Variants in FRMD5 observed in about 807,000 individuals in gnomAD.
The protein encoded by FRMD5 is FERM domain containing 5.
FRMD5 carries 20 observed loss-of-function variants against 69.0 expected under a neutral mutation model. The observed-to-expected ratio is 0.29, with a 90% CI of 0.20 to 0.42. FRMD5 has a LOEUF of 0.42. Ranked by LOEUF, FRMD5 falls within the 10% of genes least tolerant of loss-of-function variation. The pLI is 1.00. For synonymous variants in FRMD5, 271 were observed against 260.1 expected, an observed-to-expected ratio of 1.04 and a Z score of -0.40; for missense variants, 595 against 708.6, an observed-to-expected ratio of 0.84 and a Z score of 1.82.
chr15:43,931,419 C>G (rs1422497975), intron 1 of FRMD5, among the ~76,000 whole-genome samples: 1 of 152,028 alleles, frequency 6.6e-6, no homozygotes. Flanking sequence ...ACTTATACCC[C>G]CCGATCCCCA....
rs1408429819 is a variant in FRMD5 at position 43,870,834 on chromosome 15, C to A, written c.*3051G>T. The A allele has an allele frequency of 6.6e-6, 1 of 152,148 alleles. No individual in the cohort carries two copies. The highest frequency in any genetic ancestry group is 2.4e-5 in the African/African-American group (1 of 41,438). The allele number at this position is 152,148 out of a possible 1,614,324, so 9.4% of individuals were successfully genotyped here. On this transcript the variant is annotated 3_prime_UTR_variant, in exon 14 of 14. Transcript: ENST00000417257. Reference sequence around the variant, plus strand: ...CCAATGATTTTATGCTAACTACATACTGCATATGTAGAAAAAAGTACATTG... The same window carrying A: ...CCAATGATTTTATGCTAACTACATAATGCATATGTAGAAAAAAGTACATTG...
chr15:44,031,049 T>C (rs1471547350), intron 1 of FRMD5, among the ~76,000 whole-genome samples: 1 of 152,002 alleles, frequency 6.6e-6, no homozygotes, highest in African/African-American at 2.4e-5. Flanking sequence ...TCAAAAGCTC[T>C]GGCCAAGTGA....
intron 1 of FRMD5, among the ~76,000 whole-genome samples, chr15:44,042,213 C>T (rs945450192): frequency 3.3e-5 from 5 of 152,016 alleles, no homozygotes; most frequent in Admixed American, 1.3e-4. Flanking sequence ...ACACATACAC[C>T]CTCCTAAGAC....
chr15:43,967,624 T>G (rs1472330960), intron 1 of FRMD5, among the ~76,000 whole-genome samples: 1 of 152,200 alleles, frequency 6.6e-6, no homozygotes, highest in Non-Finnish European at 1.5e-5. Context: ...AACTGAGGTT[T>G]AAAGACCTGT....
At chr15:44,147,827 G>C (rs2077379660) in intron 1 of FRMD5, among the ~76,000 whole-genome samples, 1 of 152,162 alleles carries the variant, frequency 6.6e-6, no homozygotes, top group Admixed American at 6.5e-5. Context: ...ATTAGCAGCT[G>C]CCCATTCCCC....
chr15:44,142,556 T>C (rs919101608), intron 1 of FRMD5, among the ~76,000 whole-genome samples: 6 of 152,156 alleles, frequency 3.9e-5, no homozygotes, highest in African/African-American at 1.2e-4. Flanking sequence ...ATGGGAAATA[T>C]ATAACTATTG....
intron 1 of FRMD5, among the ~76,000 whole-genome samples, chr15:44,126,033 G>A (rs1415624355): frequency 1.3e-5 from 2 of 152,164 alleles, no homozygotes; most frequent in Non-Finnish European, 2.9e-5. Flanking sequence ...TGATCAGATA[G>A]TATCAAAAAA....
chr15:43,877,257 G>C (rs1422583775), intron 13 of FRMD5, among the ~76,000 whole-genome samples: 2 of 152,188 alleles, frequency 1.3e-5, no homozygotes, highest in Non-Finnish European at 2.9e-5. Flanking sequence ...CAGATTCCCA[G>C]CTCAGTAAAG....
intron 1 of FRMD5, among the ~76,000 whole-genome samples, chr15:44,124,706 CAATAAT>C (rs886443725): frequency 1.3e-5 from 2 of 151,720 alleles, no homozygotes; most frequent in Non-Finnish European, 2.9e-5. Context: ...CTCAAAAAAA[CAATAAT>C]AATAATTTTA....
intron 8 of FRMD5, 42 bp from the exon 9 acceptor site, chr15:43,888,914 G>C (rs764489221): frequency 6.5e-7 from 1 of 1,548,592 alleles, no homozygotes; most frequent in Non-Finnish European, 8.9e-7. Flanking sequence ...ATTGTGGGCT[G>C]CTTGTTCACA....
At chr15:44,192,512 A>C (rs2078213774) in intron 1 of FRMD5, among the ~76,000 whole-genome samples, 1 of 152,204 alleles carries the variant, frequency 6.6e-6, no homozygotes, top group Non-Finnish European at 1.5e-5. Context: ...TGCTTAACCT[A>C]ATAAGAAGTT....
At chr15:43,919,348 T>A in intron 4 of FRMD5, 111 bp downstream of exon 4, 1 of 891,540 alleles carries the variant, frequency 1.1e-6, no homozygotes, top group African/African-American at 1.6e-5. Flanking sequence ...GAAGAGTTCC[T>A]TGCCTCTAAG....
At chr15:43,963,620 C>T (rs536371775) in intron 1 of FRMD5, among the ~76,000 whole-genome samples, 224 of 152,236 alleles carry the variant, frequency 1.5e-3, no homozygotes, top group African/African-American at 5.2e-3. Flanking sequence ...ATGTTTATTG[C>T]GGCATTATTC....
chr15:43,885,659 GTTAC>G lies in FRMD5; in HGVS notation c.959+18_959+21del. On this transcript the variant is annotated intron_variant, in intron 11 of 13. Transcript: ENST00000417257. ...AGGGTCTGAAAATAGATCCATAATG[GTTAC>G]TTACTGTCACTATTTACCTGTATCG... is the stretch of plus-strand genomic sequence containing the variant. 2 of 1,588,192 alleles carry G rather than the reference GTTAC, an allele frequency of 1.3e-6. No individual in the cohort carries two copies. Among genetic ancestry groups the G allele is most frequent in the Non-Finnish European group, 1.7e-6 (2 of 1,156,326 alleles).
chr15:44,048,179 CCAG>C (rs2140336957), intron 1 of FRMD5, among the ~76,000 whole-genome samples: 1 of 152,260 alleles, frequency 6.6e-6, no homozygotes, highest in Middle Eastern at 3.4e-3. Flanking sequence ...TCTATTCCTA[CCAG>C]CAGTATAGGA....
intron 7 of FRMD5, among the ~76,000 whole-genome samples, chr15:43,895,230 G>C (rs1595491761): frequency 6.6e-6 from 1 of 152,214 alleles, no homozygotes; most frequent in South Asian, 2.1e-4. Flanking sequence ...CGAAAATGTG[G>C]GAAGTTAGAA....
At position 44,044,172 on chromosome 15, in the gene FRMD5, G is replaced by T. The variant is rs1449436627; in HGVS notation, c.103-119863C>A. On this transcript the variant is annotated intron_variant, in intron 1 of 13. Coordinates refer to ENST00000417257, the MANE Select transcript of FRMD5 (RefSeq NM_032892.5). ...GTGGCCAACAAACATATGAAAAAAA[G>T]CTCATCATCACTGGTCATTAGAGAA... 5.3e-5 allele frequency among the ~76,000 whole-genome samples: 8 copies of T among 152,276 alleles called. No homozygotes were observed. In the South Asian group the frequency reaches 8.3e-4, roughly 16 times the overall value.
intron 1 of FRMD5, among the ~76,000 whole-genome samples, chr15:44,070,551 C>T (rs1893497877): frequency 6.6e-6 from 1 of 152,146 alleles, no homozygotes; most frequent in Non-Finnish European, 1.5e-5. Flanking sequence ...ACTGTGTGAC[C>T]TCAGATAAGT....
At chr15:43,874,882 AGAGT>A (rs1026670740) in intron 13 of FRMD5, among the ~76,000 whole-genome samples, 6 of 151,954 alleles carry the variant, frequency 3.9e-5, no homozygotes, top group African/African-American at 4.8e-5. Context: ...CCTCGGCAAC[AGAGT>A]GAGTAAGATT....
Sources: allele counts gnomAD v4.1 joint callset (sites outside exome capture counted in the v4.1 genomes callset), GRCh38; gene constraint gnomAD v4.1.1; transcripts MANE v1.5; gene names NCBI Gene and HGNC (gene_info 2026-07-23, HGNC 2026-07-21).